The following SLC25A21 variants were observed in gnomAD, a reference collection of about 807,000 sequenced individuals.
SLC25A21 encodes the protein mitochondrial 2-oxodicarboxylate carrier.
In SLC25A21, 47 loss-of-function variants were observed where a neutral mutation model predicts 43.8. The observed-to-expected ratio is 1.07, with a 90% CI of 0.85 to 1.37. The LOEUF is 1.37. SLC25A21 is among the 40% of genes most tolerant of loss of function. The pLI, the probability that SLC25A21 is intolerant of heterozygous loss-of-function variation, is 0.00. For synonymous variants in SLC25A21, 131 were observed against 121.3 expected (o/e 1.08, Z -0.52); for missense variants, 352 against 350.2 (o/e 1.00, Z -0.04).
intron 7 of SLC25A21, among the ~76,000 whole-genome samples, chr14:36,710,464 C>T (rs1883804999): frequency 6.6e-6 from 1 of 152,092 alleles, no homozygotes; most frequent in African/African-American, 2.4e-5. Context: ...CAGGGTCTTA[C>T]TCTGTTGCCA....
At chr14:37,066,212 T>A (rs536655015) in intron 1 of SLC25A21, among the ~76,000 whole-genome samples, 21 of 152,244 alleles carry the variant, frequency 1.4e-4, no homozygotes, top group African/African-American at 4.8e-4. Flanking sequence ...GTAACTTGAA[T>A]CTAATCATAA....
chr14:36,927,941 CA>C (rs1232082142), intron 1 of SLC25A21, among the ~76,000 whole-genome samples: 1 of 152,092 alleles, frequency 6.6e-6, no homozygotes, highest in African/African-American at 2.4e-5. Flanking sequence ...TGCTGTATAT[CA>C]ACTGGCCCTC....
intron 1 of SLC25A21, among the ~76,000 whole-genome samples, chr14:36,907,930 T>C (rs1051496850): frequency 6.6e-6 from 1 of 152,226 alleles, no homozygotes; most frequent in Non-Finnish European, 1.5e-5. Flanking sequence ...CTGCTTACTT[T>C]ATATTCACAC....
intron 1 of SLC25A21, among the ~76,000 whole-genome samples, chr14:37,042,899 A>G (rs899241506): frequency 6.6e-6 from 1 of 152,206 alleles, no homozygotes; most frequent in Non-Finnish European, 1.5e-5. Context: ...CTCCTGGCCC[A>G]TATACTAAAC....
intron 3 of SLC25A21, among the ~76,000 whole-genome samples, chr14:36,779,008 C>A (rs2138373449): frequency 6.6e-6 from 1 of 151,976 alleles, no homozygotes; most frequent in East Asian, 1.9e-4. Flanking sequence ...AGTCACTATT[C>A]TACTCTGTTT....
intron 1 of SLC25A21, among the ~76,000 whole-genome samples, chr14:36,882,065 AC>A (rs1288167213): frequency 2.0e-5 from 3 of 152,154 alleles, no homozygotes; most frequent in Admixed American, 6.6e-5. Context: ...TAATTATTTT[AC>A]ATTGTATCAC....
chr14:36,869,567 T>C (rs975942642), intron 2 of SLC25A21, among the ~76,000 whole-genome samples: 1 of 152,156 alleles, frequency 6.6e-6, no homozygotes, highest in African/African-American at 2.4e-5. Context: ...AATATGTAAC[T>C]AGAAGCAAGA....
chr14:36,699,629 G>A (rs1883191875), intron 7 of SLC25A21, among the ~76,000 whole-genome samples: 1 of 152,166 alleles, frequency 6.6e-6, no homozygotes, highest in Admixed American at 6.5e-5. Flanking sequence ...TGGCCGCTTT[G>A]TTTACCTACT....
At chr14:36,814,614 A>G (rs538785589) in intron 2 of SLC25A21, among the ~76,000 whole-genome samples, 14 of 152,344 alleles carry the variant, frequency 9.2e-5, no homozygotes, top group Non-Finnish European at 1.6e-4. Flanking sequence ...CAAAACCACA[A>G]TGAGATACCA....
intron 1 of SLC25A21, among the ~76,000 whole-genome samples, chr14:37,076,616 G>A (rs1189930581): frequency 6.6e-6 from 1 of 152,098 alleles, no homozygotes; most frequent in Non-Finnish European, 1.5e-5. Context: ...AGTCTCCTAA[G>A]TAGCTGGGAT....
At chr14:36,805,813 A>G (rs1888019374) in intron 3 of SLC25A21, among the ~76,000 whole-genome samples, 1 of 152,216 alleles carries the variant, frequency 6.6e-6, no homozygotes, top group East Asian at 1.9e-4. Flanking sequence ...CTAAAAATTT[A>G]TGAATATTCA....
intron 1 of SLC25A21, among the ~76,000 whole-genome samples, chr14:36,965,886 T>G (rs1477998949): frequency 9.9e-5 from 15 of 152,192 alleles, no homozygotes; most frequent in Admixed American, 9.8e-4. Context: ...GAGTATAATT[T>G]GATTGCTTGT....
chr14:36,808,378 G>A (rs1311499905), intron 3 of SLC25A21, among the ~76,000 whole-genome samples: 2 of 152,308 alleles, frequency 1.3e-5, no homozygotes, highest in South Asian at 2.1e-4. Context: ...GAGCTTTGTA[G>A]TGCTGCCTCA....
At chr14:36,863,756 GCTC>G (rs1449835731) in intron 2 of SLC25A21, among the ~76,000 whole-genome samples, 1 of 152,166 alleles carries the variant, frequency 6.6e-6, no homozygotes, top group Non-Finnish European at 1.5e-5. Context: ...GAATCCTTCA[GCTC>G]CTCCTTTTTC....
intron 3 of SLC25A21, among the ~76,000 whole-genome samples, chr14:36,753,919 C>CAGAGAGAGAGAGAGAGAGAGAGAGAGAG (rs56871881): frequency 2.8e-4 from 37 of 130,092 alleles, no homozygotes; most frequent in Non-Finnish European, 5.0e-4. Flanking sequence ...TCACTGGGGA[C>CAGAGAGAGAGAGAGAGAGAGAGAGAGAG]AGAGAGAGAG....
At chr14:36,839,759 G>C (rs1342714972) in intron 2 of SLC25A21, among the ~76,000 whole-genome samples, 1 of 152,160 alleles carries the variant, frequency 6.6e-6, no homozygotes, top group Non-Finnish European at 1.5e-5. Context: ...AACCATGATG[G>C]TAGAGCCTAC....
At chr14:36,729,005 G>A (rs193038715) in intron 5 of SLC25A21, among the ~76,000 whole-genome samples, 26 of 152,336 alleles carry the variant, frequency 1.7e-4, no homozygotes, top group Admixed American at 1.6e-3. Flanking sequence ...ATATGTCATT[G>A]TAATATCACA....
Position 37,043,066 on chromosome 14 carries a change from C to A in SLC25A21, c.70+129215G>T, listed in dbSNP as rs527777746. 3.9e-5 allele frequency among the ~76,000 whole-genome samples: 6 copies of A among 152,318 alleles called. No individual in the cohort carries two copies. In the East Asian group the frequency reaches 9.7e-4, roughly 25 times the overall value. On this transcript the variant is annotated intron_variant, in intron 1 of 9. Coordinates refer to ENST00000331299, the MANE Select transcript of SLC25A21 (RefSeq NM_030631.4). ...ACCAGTGGCCCAAGTCAGGACCCCA[C>A]TGGGGTCATTCTGAAATCCTCCCCA...
intron 9 of SLC25A21, among the ~76,000 whole-genome samples, chr14:36,683,482 C>T (rs1415350286): frequency 6.6e-6 from 1 of 152,200 alleles, no homozygotes; most frequent in Non-Finnish European, 1.5e-5. Flanking sequence ...TTTGACTGGG[C>T]TGGTCCCTCA....
Sources: allele counts gnomAD v4.1 joint callset (sites outside exome capture counted in the v4.1 genomes callset), GRCh38; gene constraint gnomAD v4.1.1; transcripts MANE v1.5; gene names NCBI Gene and HGNC (gene_info 2026-07-23, HGNC 2026-07-21).